Variants in UNC5D observed in about 807,000 individuals in gnomAD.
UNC5D encodes unc-5 netrin receptor D, also known as netrin receptor UNC5D.
In UNC5D, 39 loss-of-function variants were observed where a neutral mutation model predicts 105.4. The ratio of observed to expected loss-of-function variants is 0.37; its 90% CI spans 0.29 to 0.48. The LOEUF (loss-of-function observed/expected upper bound fraction) is 0.48, where lower values mean the gene tolerates loss of function less well. Ranked by LOEUF, UNC5D falls within the 20% of genes least tolerant of loss-of-function variation. The probability of loss-of-function intolerance (pLI) is 0.98; values close to 1 mark genes in which losing one functional copy is unlikely to be tolerated. For synonymous variants in UNC5D, 452 were observed against 450.4 expected (o/e 1.00, Z -0.04); for missense variants, 991 against 1,202.4 (o/e 0.82, Z 2.60).
intron 4 of UNC5D, among the ~76,000 whole-genome samples, chr8:35,667,057 A>G (rs1272047949): frequency 6.6e-6 from 1 of 152,174 alleles, no homozygotes; most frequent in Non-Finnish European, 1.5e-5. Context: ...GAACTAAAAA[A>G]CAAAAACAAT....
Position 35,669,064 on chromosome 8 carries a change from G to T in UNC5D, c.571-14483G>T, listed in dbSNP as rs565193923. Among the ~76,000 whole-genome samples the T allele has an allele frequency of 4.6e-5, 7 of 152,054 alleles. No individual in the cohort carries two copies. In the South Asian group the frequency reaches 1.2e-3, roughly 27 times the overall value. On this transcript the variant is annotated intron_variant, in intron 4 of 16. Coordinates refer to ENST00000404895, the MANE Select transcript of UNC5D (RefSeq NM_080872.4). ...TCTTTCCATTTTACACTTTTTGCAT[G>T]ATTTCAATCTGTCTATAGTTTCTGA...
At chr8:35,457,319 C>T (rs2897290) in intron 1 of UNC5D, among the ~76,000 whole-genome samples, 61,233 of 151,968 alleles carry the variant, frequency 0.4, 12,473 homozygotes, top group East Asian at 0.49. Context: ...TAGAGGCTCT[C>T]CTAGTTTAAA....
chr8:35,454,693 T>C (rs921608705), intron 1 of UNC5D, among the ~76,000 whole-genome samples: 2 of 152,202 alleles, frequency 1.3e-5, no homozygotes, highest in Admixed American at 1.3e-4. Context: ...TGCCCTTTGT[T>C]AAAATGGTAT....
chr8:35,649,501 T>C (rs1823274104), intron 4 of UNC5D, among the ~76,000 whole-genome samples: 2 of 152,206 alleles, frequency 1.3e-5, no homozygotes, highest in East Asian at 3.9e-4. Flanking sequence ...AAGTCTGGAC[T>C]CTAACGATTA....
intron 7 of UNC5D, among the ~76,000 whole-genome samples, chr8:35,690,489 T>C (rs983673730): frequency 2.0e-5 from 3 of 151,988 alleles, no homozygotes; most frequent in Non-Finnish European, 2.9e-5. Flanking sequence ...TAAAAAAATA[T>C]AAGCCAGACA....
At chr8:35,305,717 C>G (rs775213908) in intron 1 of UNC5D, among the ~76,000 whole-genome samples, 1 of 146,892 alleles carries the variant, frequency 6.8e-6, no homozygotes, top group Non-Finnish European at 1.5e-5. Context: ...CTGACTCCCT[C>G]TCTTTCTCTT....
intron 1 of UNC5D, among the ~76,000 whole-genome samples, chr8:35,348,205 T>A (rs1251825616): frequency 8.6e-5 from 13 of 151,934 alleles, no homozygotes; most frequent in Admixed American, 8.5e-4. Flanking sequence ...TAAGTTCTCA[T>A]GTCATTAGTG....
chr8:35,288,400 A>G (rs1020505032), intron 1 of UNC5D, among the ~76,000 whole-genome samples: 1 of 152,186 alleles, frequency 6.6e-6, no homozygotes, highest in African/African-American at 2.4e-5. Flanking sequence ...TTTCGAGCAA[A>G]TAAAAACAGA....
At chr8:35,605,279 G>T (rs998582446) in intron 4 of UNC5D, among the ~76,000 whole-genome samples, 4 of 152,212 alleles carry the variant, frequency 2.6e-5, no homozygotes, top group African/African-American at 9.6e-5. Context: ...ACTCTCAGCT[G>T]CAGGTCTGTT....
At chr8:35,509,187 G>A (rs557393165) in intron 1 of UNC5D, among the ~76,000 whole-genome samples, 16 of 152,020 alleles carry the variant, frequency 1.1e-4, no homozygotes, top group African/African-American at 3.6e-4. Context: ...GTGTAGACAC[G>A]GAGAAATAGT....
chr8:35,568,189 G>A lies in UNC5D; in HGVS notation c.414G>A (p.Ala138=), dbSNP rs367788080. 1.0e-4 allele frequency: 166 copies of A among 1,614,158 alleles called. No homozygotes were observed. The highest frequency in any genetic ancestry group is 1.6e-4 in the Middle Eastern group (1 of 6,062). ...AGGACTATTGGTGCCAGTGTGTGGCGTGGAGCCACCTGGGTACCTCCAAGA... is the reference window on the plus strand; with the variant it reads ...AGGACTATTGGTGCCAGTGTGTGGCATGGAGCCACCTGGGTACCTCCAAGA... The part of the protein sequence containing the change: ...GPEDYWCQCV[A]WSHLGTSKSR... Residue 138 remains alanine (A), a synonymous_variant, in exon 3 of 17, where the codon GCG becomes GCA. Coordinates refer to ENST00000404895, the MANE Select transcript of UNC5D (RefSeq NM_080872.4).
intron 1 of UNC5D, among the ~76,000 whole-genome samples, chr8:35,386,125 T>G (rs760218368): frequency 6.6e-6 from 1 of 152,200 alleles, no homozygotes; most frequent in African/African-American, 2.4e-5. Context: ...TATTTTTTAT[T>G]TTTACATCTT....
intron 1 of UNC5D, among the ~76,000 whole-genome samples, chr8:35,344,798 G>A (rs1043858764): frequency 5.9e-5 from 9 of 151,900 alleles, no homozygotes; most frequent in Non-Finnish European, 8.8e-5. Flanking sequence ...TGGGGGATGA[G>A]GTGAACATCA....
chr8:35,771,561 A>T (rs1802014030), intron 15 of UNC5D, among the ~76,000 whole-genome samples: 1 of 152,216 alleles, frequency 6.6e-6, no homozygotes, highest in African/African-American at 2.4e-5. Context: ...CTTGTAACCT[A>T]GTTTAAGCAG....
intron 11 of UNC5D, among the ~76,000 whole-genome samples, chr8:35,741,784 T>A (rs1477739434): frequency 6.6e-6 from 1 of 152,128 alleles, no homozygotes; most frequent in Non-Finnish European, 1.5e-5. Context: ...GATTTTTTTT[T>A]AAGAACTACA....
In UNC5D at chr8:35,686,734, C is replaced by A. The variant is rs748254336; in HGVS notation, c.1084+25C>A. ...GGTAACACTTTTGCTTTAACATCTT[C>A]AGTGTTTGTTCATAATACCATTTAT... On this transcript the variant is annotated intron_variant, in intron 7 of 16. Transcript: ENST00000404895. 11 of 1,544,870 alleles carry A rather than the reference C, an allele frequency of 7.1e-6. 1 individual carries two copies. The South Asian group carries it at 1.3e-4, about 19-fold the overall frequency.
chr8:35,271,281 GTGTA>G (rs1805271847), intron 1 of UNC5D, among the ~76,000 whole-genome samples: 1 of 123,004 alleles, frequency 8.1e-6, no homozygotes, highest in Non-Finnish European at 1.7e-5. Context: ...ACATATATGT[GTGTA>G]TGTATATGTA....
chr8:35,458,270 C>G (rs1808636288), intron 1 of UNC5D, among the ~76,000 whole-genome samples: 3 of 152,116 alleles, frequency 2.0e-5, no homozygotes, highest in Non-Finnish European at 2.9e-5. Flanking sequence ...CAGTACCTTT[C>G]CCTACCTTGT....
At chr8:35,647,388 TTGTG>T (rs10630575) in intron 4 of UNC5D, among the ~76,000 whole-genome samples, 68 of 147,420 alleles carry the variant, frequency 4.6e-4, no homozygotes, top group Middle Eastern at 3.5e-3. Flanking sequence ...TCCTGTGTAT[TTGTG>T]TGTGTGTGTG....
Sources: gnomAD v4.1 joint callset for allele counts (sites outside exome capture counted in the v4.1 genomes callset) on GRCh38, gnomAD v4.1.1 for gene constraint, MANE v1.5 for transcripts, NCBI Gene and HGNC (gene_info 2026-07-23, HGNC 2026-07-21) for gene names.